AGXT2: variants seen among roughly 807,000 people sequenced by gnomAD.
AGXT2 encodes the protein alanine--glyoxylate aminotransferase 2, mitochondrial.
Under a neutral mutation model 62.5 loss-of-function variants are expected in AGXT2, and 61 were observed. The ratio of observed to expected loss-of-function variants is 0.98; its 90% CI spans 0.79 to 1.21. The LOEUF (loss-of-function observed/expected upper bound fraction) is 1.21. Ranked by LOEUF, AGXT2 falls within the 50% of genes most tolerant of loss-of-function variation. The pLI, the probability that AGXT2 is intolerant of heterozygous loss-of-function variation, is 0.00. For missense variants in AGXT2, 666 were observed against 641.5 expected (o/e 1.04, Z -0.41); for synonymous variants, 243 against 218.7 (o/e 1.11, Z -0.98).
intron 5 of AGXT2, 21 bp from the exon 6 acceptor site, chr5:35,033,574 G>C (rs1373528671): frequency 6.3e-7 from 1 of 1,597,438 alleles, no homozygotes; most frequent in Admixed American, 1.7e-5. Flanking sequence ...GAAACAACAG[G>C]AGGATGGGGT....
chr5:35,028,714 T>C (rs1767459798), intron 7 of AGXT2, among the ~76,000 whole-genome samples: 1 of 152,162 alleles, frequency 6.6e-6, no homozygotes, highest in South Asian at 2.1e-4. Flanking sequence ...GTTATTTGGT[T>C]CTAAACAGTA....
chr5:35,028,596 AGAGAGAGAG>A (rs1561226759), intron 7 of AGXT2, among the ~76,000 whole-genome samples: 4 of 131,492 alleles, frequency 3.0e-5, no homozygotes, highest in African/African-American at 1.1e-4. Context: ...AGAGAGAGAG[AGAGAGAGAG>A]AGAGAGAGAG....
At chr5:35,030,447 G>C (rs559006412) in intron 7 of AGXT2, among the ~76,000 whole-genome samples, 2 of 152,306 alleles carry the variant, frequency 1.3e-5, no homozygotes, top group South Asian at 4.1e-4. Context: ...GGCGGAGGTT[G>C]CAGTGAGCCG....
intron 5 of AGXT2, among the ~76,000 whole-genome samples, chr5:35,034,218 T>A (rs1455065993): frequency 3.3e-5 from 5 of 152,110 alleles, no homozygotes; most frequent in African/African-American, 9.7e-5. Flanking sequence ...GGCAGAAATC[T>A]CAATTACTTT....
At chr5:35,047,780 C>A (rs763773866) in intron 1 of AGXT2, 25 bp downstream of exon 1, 1 of 1,613,330 alleles carries the variant, frequency 6.2e-7, no homozygotes, top group East Asian at 2.2e-5. Flanking sequence ...CTCTACTGAC[C>A]CACGTCCCCC....
rs70973023 is a variant in AGXT2, at chr5:35,041,223, C to CGAAAAAAAAAAA, written c.89-561_89-560insTTTTTTTTTTTC. 5.7e-3 allele frequency among the ~76,000 whole-genome samples: 295 copies of CGAAAAAAAAAAA among 51,380 alleles called. 29 individuals are homozygous for CGAAAAAAAAAAA. Among genetic ancestry groups the CGAAAAAAAAAAA allele is most frequent in the Non-Finnish European group, 7.2e-3 (218 of 30,124 alleles). The allele number at this position is 51,380 out of a possible 152,430, so 33.7% of individuals were successfully genotyped here. ...CCCAGAAGACAAAACCTCCCCCCGC[C>CGAAAAAAAAAAA]AAAAAAAAAAAAAAAAAAAGGCTGC... On this transcript the variant is annotated intron_variant, in intron 1 of 13. Transcript: ENST00000231420.
chr5:35,044,049 T>G (rs1768091436), intron 1 of AGXT2, among the ~76,000 whole-genome samples: 1 of 152,180 alleles, frequency 6.6e-6, no homozygotes, highest in Non-Finnish European at 1.5e-5. Context: ...GAAAAAAACC[T>G]TGTCACATTT....
chr5:35,018,644 A>G (rs1192298577), intron 9 of AGXT2, among the ~76,000 whole-genome samples: 61 of 151,880 alleles, frequency 4.0e-4, no homozygotes, highest in African/African-American at 1.3e-3. Flanking sequence ...GACCATCGAG[A>G]CTAGGAAGAA....
At chr5:35,043,845 C>A (rs1206430138) in intron 1 of AGXT2, among the ~76,000 whole-genome samples, 2 of 152,162 alleles carry the variant, frequency 1.3e-5, no homozygotes, top group Non-Finnish European at 2.9e-5. Flanking sequence ...GGCATGCCAC[C>A]ACACCCGGCT....
intron 8 of AGXT2, 170 bp from the exon 9 acceptor site, chr5:35,026,025 A>G: frequency 1.5e-6 from 1 of 662,150 alleles, no homozygotes; most frequent in East Asian, 2.7e-5. Context: ...TTATTACTCT[A>G]TACCATGACT....
intron 1 of AGXT2, among the ~76,000 whole-genome samples, chr5:35,041,788 T>C (rs752107192): frequency 3.4e-4 from 51 of 152,146 alleles, no homozygotes; most frequent in Non-Finnish European, 6.3e-4. Flanking sequence ...TGTTTTTAAA[T>C]GAAGATGGAA....
chr5:35,009,886 C>T, intron 12 of AGXT2, 114 bp downstream of exon 12: 5 of 1,425,282 alleles, frequency 3.5e-6, no homozygotes, highest in Non-Finnish European at 4.9e-6. Context: ...TTGCTGAAAT[C>T]TTGCTGTTTG....
chr5:35,002,318 A>G (rs902103083), intron 13 of AGXT2, among the ~76,000 whole-genome samples: 1 of 152,156 alleles, frequency 6.6e-6, no homozygotes, highest in African/African-American at 2.4e-5. Context: ...GAAGTTGGGG[A>G]AAAATTGAAG....
chr5:35,000,593 G>A (rs899508228), intron 13 of AGXT2, among the ~76,000 whole-genome samples: 4 of 152,146 alleles, frequency 2.6e-5, no homozygotes, highest in African/African-American at 9.7e-5. Context: ...TGTTGGCTAG[G>A]CTGGTCTCAA....
chr5:35,040,188 C>A (rs540044654), intron 2 of AGXT2, among the ~76,000 whole-genome samples: 14 of 152,154 alleles, frequency 9.2e-5, no homozygotes, highest in Non-Finnish European at 2.1e-4. Flanking sequence ...ATAATTTTTG[C>A]TGGAGTACCC....
At chr5:35,030,655 A>C (rs1767530830) in intron 7 of AGXT2, among the ~76,000 whole-genome samples, 1 of 152,244 alleles carries the variant, frequency 6.6e-6, no homozygotes, top group African/African-American at 2.4e-5. Context: ...GGTATTGTCA[A>C]ATTGGCTTAA....
intron 12 of AGXT2, among the ~76,000 whole-genome samples, chr5:35,009,317 C>G (rs1171882947): frequency 6.6e-6 from 1 of 151,944 alleles, no homozygotes; most frequent in Non-Finnish European, 1.5e-5. Flanking sequence ...CAATATAGGC[C>G]AGGCTTGGTG....
intron 12 of AGXT2, among the ~76,000 whole-genome samples, chr5:35,004,695 C>T (rs1766358155): frequency 6.6e-6 from 1 of 152,216 alleles, no homozygotes; most frequent in Admixed American, 6.5e-5. Flanking sequence ...GCTTAGGCAT[C>T]TGCATTTTTA....
chr5:35,014,710 C>T (rs147564371), intron 9 of AGXT2, among the ~76,000 whole-genome samples: 1 of 152,160 alleles, frequency 6.6e-6, no homozygotes, highest in Non-Finnish European at 1.5e-5. Context: ...CAATATGTCA[C>T]AGGCTCCATG....
Sources: allele counts gnomAD v4.1 joint callset (sites outside exome capture counted in the v4.1 genomes callset), GRCh38; gene constraint gnomAD v4.1.1; transcripts MANE v1.5; gene names NCBI Gene and HGNC (gene_info 2026-07-23, HGNC 2026-07-21).